Variants in NTRK1 observed in about 807,000 individuals in gnomAD.
NTRK1 encodes the protein high affinity nerve growth factor receptor.
A neutral mutation model predicts 86.8 loss-of-function variants in NTRK1; 62 were observed. The observed-to-expected ratio is 0.71, with a 90% CI of 0.58 to 0.88. NTRK1 has a LOEUF of 0.88. Ranked by LOEUF, NTRK1 falls within the 40% of genes least tolerant of loss-of-function variation. The pLI is 0.00. For missense variants in NTRK1, 967 were observed against 1,078.4 expected, an observed-to-expected ratio of 0.90 and a Z score of 1.45; for synonymous variants, 469 against 456.6, an observed-to-expected ratio of 1.03 and a Z score of -0.35.
At position 156,873,569 on chromosome 1, in the gene NTRK1, G is replaced by A; in HGVS notation, c.851-64G>A. The A allele has an allele frequency of 2.8e-6, 4 of 1,416,434 alleles. No individual in the cohort carries two copies. The South Asian group carries it at 4.8e-5, about 17-fold the overall frequency. The allele number at this position is 1,416,434 out of a possible 1,614,324, so 87.7% of individuals were successfully genotyped here. The stretch of plus-strand genomic sequence containing the variant: ...ACTCGCTTTGCCCGTGGACTTGTCG[G>A]GTGTGTGCCAGGCTCCCTCCAGCTG... On this transcript the variant is annotated intron_variant, in intron 7 of 16. Transcript: ENST00000524377.
intron 2 of NTRK1, chr1:156,846,819 CG>C: frequency 1.5e-6 from 2 of 1,309,450 alleles, no homozygotes; most frequent in Non-Finnish European, 2.2e-6. Context: ...CTGGCACCCC[CG>C]CTCTGAATCA....
At chr1:156,878,092 G>A (rs764247663) in intron 14 of NTRK1, among the ~76,000 whole-genome samples, 6 of 152,200 alleles carry the variant, frequency 3.9e-5, no homozygotes, top group Non-Finnish European at 7.3e-5. Context: ...TGGAACACTG[G>A]GGGAATCAAT....
intron 7 of NTRK1, 146 bp from the exon 8 acceptor site, chr1:156,873,487 A>G (rs934516205): frequency 4.5e-6 from 3 of 664,226 alleles, no homozygotes; most frequent in Non-Finnish European, 8.1e-6. Context: ...TCCTTGGTGA[A>G]TTTCCCAGGG....
intron 2 of NTRK1, chr1:156,845,734 A>C: frequency 6.2e-7 from 1 of 1,613,720 alleles, no homozygotes; most frequent in Non-Finnish European, 8.5e-7. Context: ...CAAGGGCAGC[A>C]GTCGGACTCC....
intron 1 of NTRK1, among the ~76,000 whole-genome samples, chr1:156,864,093 AT>A (rs1359085480): frequency 6.6e-6 from 1 of 151,954 alleles, no homozygotes; most frequent in African/African-American, 2.4e-5. Context: ...GAATGTGCAT[AT>A]GTGTGAGGGT....
intron 1 of NTRK1, among the ~76,000 whole-genome samples, chr1:156,863,295 G>A (rs543630328): frequency 3.3e-5 from 5 of 152,070 alleles, no homozygotes; most frequent in African/African-American, 1.2e-4. Flanking sequence ...CTTCTTGCCT[G>A]TCACTATCTC....
intron 4 of NTRK1, 35 bp downstream of exon 4, chr1:156,867,013 A>AGT (rs762070215): frequency 1.5e-5 from 24 of 1,605,826 alleles, no homozygotes; most frequent in South Asian, 2.2e-5. Flanking sequence ...AAGAGCACCA[A>AGT]GTGTGTGTGT....
chr1:156,875,555 A>G lies in NTRK1; in HGVS notation c.1390A>G (p.Met464Val), dbSNP rs765177801. 3 of 1,613,848 alleles carry G rather than the reference A, an allele frequency of 1.9e-6. No homozygotes were observed. The highest frequency in any genetic ancestry group is 2.5e-6 in the Non-Finnish European group (3 of 1,179,962). Residue 464 changes from methionine to valine, a missense_variant, in exon 12 of 17, where the codon ATG becomes GTG. Physicochemically the swap from Met to Val is conservative, Grantham distance 21. Around this residue, in one of 2 missense-constraint regions of NTRK1, gnomAD observed 637 missense variants for 776.5 expected, o/e 0.82. Transcript: ENST00000524377. ...GCTGGCTCCAGAGGATGGGCTGGCC[A>G]TGTCCCTGCATTTCATGACATTGGG... ...AVLAPEDGLA[M>V]SLHFMTLGGS... is the part of the protein sequence containing the mutation.
intron 2 of NTRK1, among the ~76,000 whole-genome samples, chr1:156,850,625 G>A (rs1655175523): frequency 7.1e-6 from 1 of 140,516 alleles, no homozygotes. Flanking sequence ...CACGATTTCG[G>A]CTCACTGTAA....
At chr1:156,842,073 C>A in intron 1 of NTRK1, 2 of 1,612,258 alleles carry the variant, frequency 1.2e-6, no homozygotes, top group Non-Finnish European at 1.7e-6. Flanking sequence ...AGTCTCTCTA[C>A]TTTTCAGGCC....
Position 156,844,531 on chromosome 1 carries a change from C to T in NTRK1, c.50+2338C>T, listed in dbSNP as rs369340625. On this transcript the variant is annotated intron_variant, in intron 2 of 16. Coordinates refer to the NTRK1 transcript ENST00000392302. ...TTGCCAGCCAGTGAGGTTGCCCTAA[C>T]CCTGGCAGAGTAGTTTCCAGGGGGC... 56 of 1,614,060 alleles carry T rather than the reference C, an allele frequency of 3.5e-5. No homozygotes were observed. Among genetic ancestry groups the T allele is most frequent in the Non-Finnish European group, 4.5e-5 (53 of 1,180,040 alleles).
At chr1:156,866,865 C>A (rs771209707) in intron 3 of NTRK1, 45 bp from the exon 4 acceptor site, 19 of 1,591,530 alleles carry the variant, frequency 1.2e-5, no homozygotes, top group Non-Finnish European at 1.5e-5. Context: ...AGAGTGAGGT[C>A]GGGTCACTCA....
chr1:156,845,855 T>C (rs1329397342), intron 2 of NTRK1: 3 of 1,579,090 alleles, frequency 1.9e-6, no homozygotes, highest in Non-Finnish European at 2.6e-6. Flanking sequence ...ACAGGCGGTC[T>C]ACCCGCCTCT....
chr1:156,819,804 C>T (rs1048352031), intron 1 of NTRK1, among the ~76,000 whole-genome samples: 1 of 152,162 alleles, frequency 6.6e-6, no homozygotes, highest in African/African-American at 2.4e-5. Context: ...CAGGCATGAG[C>T]CATCATGCCT....
At chr1:156,844,027 T>C (rs1452431880) in intron 2 of NTRK1, 1 of 627,166 alleles carries the variant, frequency 1.6e-6, no homozygotes, top group Non-Finnish European at 2.8e-6. Context: ...AACTGAGAGG[T>C]ATGTTTCCTC....
At position 156,854,074 on chromosome 1, in the gene NTRK1, G is replaced by A. The variant is rs370141401; in HGVS notation, c.51-10280G>A. On this transcript the variant is annotated intron_variant, in intron 2 of 16. Transcript: ENST00000392302. This position sits in a 1 kb window ranked among gnomAD's most constrained non-coding sequence, Gnocchi z 4.2. The stretch of plus-strand genomic sequence containing the variant: ...CATAGCCCAGGAAGAGGCGCGTCCC[G>A]CGGATGACTGCTAGGTTGGGGAAGA... 145 of 1,613,926 alleles carry A rather than the reference G, an allele frequency of 9.0e-5. No homozygotes were observed. The highest frequency in any genetic ancestry group is 1.1e-4 in the Non-Finnish European group (128 of 1,180,050).
At chr1:156,823,091 G>A (rs777025391) in intron 1 of NTRK1, among the ~76,000 whole-genome samples, 9 of 152,180 alleles carry the variant, frequency 5.9e-5, no homozygotes, top group Admixed American at 1.3e-4. Flanking sequence ...ATTCTTCTAC[G>A]TCTGTTAACT....
intron 1 of NTRK1, among the ~76,000 whole-genome samples, chr1:156,827,153 T>TTTCA (rs1258198540): frequency 1.4e-5 from 2 of 145,468 alleles, no homozygotes; most frequent in East Asian, 4.1e-4. Flanking sequence ...CACAATCACA[T>TTTCA]TTCACTGTAG....
chr1:156,878,411 G>A (rs894412391), intron 14 of NTRK1, among the ~76,000 whole-genome samples: 5 of 152,162 alleles, frequency 3.3e-5, no homozygotes, highest in African/African-American at 1.2e-4. Flanking sequence ...GCCATGACCT[G>A]CTTATCTGCA....
Sources: allele counts gnomAD v4.1 joint callset (sites outside exome capture counted in the v4.1 genomes callset), GRCh38; gene constraint gnomAD v4.1.1; regional missense constraint gnomAD v4.1.1; non-coding constraint Gnocchi (gnomAD v3.1); transcripts MANE v1.5; gene names NCBI Gene and HGNC (gene_info 2026-07-23, HGNC 2026-07-21).